The following MID1 variants were observed in gnomAD, a reference collection of about 807,000 sequenced individuals.
MID1 encodes the protein E3 ubiquitin-protein ligase Midline-1.
In MID1, 7 loss-of-function variants were observed where a neutral mutation model predicts 40.4. The ratio of observed to expected loss-of-function variants is 0.17; its 90% CI spans 0.10 to 0.33. The LOEUF (loss-of-function observed/expected upper bound fraction) is 0.33, where lower values mean the gene tolerates loss of function less well. Among genes scored for constraint, MID1 ranks in the 10% least tolerant of loss-of-function variants. The probability of loss-of-function intolerance (pLI) is 1.00; values close to 1 mark genes in which losing one functional copy is unlikely to be tolerated. For missense variants in MID1, 367 were observed against 558.5 expected (o/e 0.66, Z 3.46); for synonymous variants, 229 against 221.2 (o/e 1.04, Z -0.31).
chrX:10,741,396 C>T (rs1164121088), intron 1 of MID1, among the ~76,000 whole-genome samples: 3 of 109,956 alleles, frequency 2.7e-5, no homozygotes, highest in African/African-American at 6.6e-5. Flanking sequence ...CTTGGGCTCT[C>T]GGCTGAACCC....
intron 1 of MID1, among the ~76,000 whole-genome samples, chrX:10,599,443 C>T (rs1363554657): frequency 8.9e-6 from 1 of 112,234 alleles, no homozygotes; most frequent in Admixed American, 9.4e-5. Flanking sequence ...GAATACTCTT[C>T]CATGTGTTAA....
chrX:10,817,546 T>TTC (rs1315671230), intron 1 of MID1, among the ~76,000 whole-genome samples: 3 of 103,034 alleles, frequency 2.9e-5, no homozygotes, highest in Non-Finnish European at 5.9e-5. Context: ...CTTTCTTTCT[T>TTC]TCTTTCTTTC....
At chrX:10,484,096 A>T (rs192007756) in intron 4 of MID1, among the ~76,000 whole-genome samples, 19 of 111,752 alleles carry the variant, frequency 1.7e-4, no homozygotes, top group African/African-American at 5.6e-4. Flanking sequence ...AGCCTCTGGC[A>T]TCATTCTATC....
intron 2 of MID1, among the ~76,000 whole-genome samples, chrX:10,549,204 T>C (rs1304841105): frequency 8.8e-6 from 1 of 113,009 alleles, no homozygotes; most frequent in East Asian, 2.8e-4. Context: ...TTCTGCGCTC[T>C]AGACTATGAG....
At chrX:10,508,177 C>G (rs753462667) in intron 3 of MID1, among the ~76,000 whole-genome samples, 8 of 112,137 alleles carry the variant, frequency 7.1e-5, no homozygotes, top group Non-Finnish European at 1.5e-4. Context: ...AGAGAACAAG[C>G]AGCGAACATG....
intron 2 of MID1, among the ~76,000 whole-genome samples, chrX:10,555,023 C>T (rs1052650543): frequency 3.6e-5 from 4 of 112,034 alleles, no homozygotes; most frequent in Non-Finnish European, 5.6e-5. Context: ...CGCAAGTTTG[C>T]TCCCATAATA....
intron 1 of MID1, among the ~76,000 whole-genome samples, chrX:10,816,051 T>C (rs1300415105): frequency 1.2e-4 from 13 of 112,225 alleles, no homozygotes; most frequent in Non-Finnish European, 2.4e-4. Flanking sequence ...AATGAATTTC[T>C]GTGACTGAGG....
intron 1 of MID1, among the ~76,000 whole-genome samples, chrX:10,709,476 G>C (rs1286676731): frequency 8.9e-6 from 1 of 112,090 alleles, no homozygotes; most frequent in Non-Finnish European, 1.9e-5. Context: ...AGGCGGGTTA[G>C]GCGAGTTTTG....
chrX:10,594,217 T>C (rs1027093834), intron 1 of MID1, among the ~76,000 whole-genome samples: 5 of 111,857 alleles, frequency 4.5e-5, no homozygotes, highest in African/African-American at 1.6e-4. Context: ...ATTTTGAGGA[T>C]GCATGTATTG....
intron 2 of MID1, among the ~76,000 whole-genome samples, chrX:10,557,323 T>C (rs1934161252): frequency 8.9e-6 from 1 of 112,229 alleles, no homozygotes. Flanking sequence ...GCTGGTTTAT[T>C]GCCAGGCCAA....
chrX:10,632,953 T>G (rs1046541669), intron 1 of MID1, among the ~76,000 whole-genome samples: 1 of 111,909 alleles, frequency 8.9e-6, no homozygotes, highest in African/African-American at 3.2e-5. Context: ...TGGGACCTCA[T>G]GTAACTGCAC....
intron 1 of MID1, among the ~76,000 whole-genome samples, chrX:10,805,194 A>G (rs1217497375): frequency 9.2e-6 from 1 of 108,273 alleles, no homozygotes; most frequent in African/African-American, 3.4e-5. Flanking sequence ...AGCATTAGGT[A>G]TATCTCCTAA....
At chrX:10,777,335 C>T (rs1422499440) in intron 1 of MID1, among the ~76,000 whole-genome samples, 3 of 100,894 alleles carry the variant, frequency 3.0e-5, no homozygotes, top group African/African-American at 7.3e-5. Flanking sequence ...GTAGCTGGGA[C>T]TACAGGCGCC....
intron 4 of MID1, among the ~76,000 whole-genome samples, chrX:10,484,540 C>T (rs1327904842): frequency 1.8e-5 from 2 of 111,863 alleles, no homozygotes; most frequent in African/African-American, 6.5e-5. Flanking sequence ...ATGAGAGTCG[C>T]CTGTGAAAAT....
At chrX:10,614,364 A>G (rs1935804865) in intron 1 of MID1, among the ~76,000 whole-genome samples, 1 of 111,976 alleles carries the variant, frequency 8.9e-6, no homozygotes, top group South Asian at 3.7e-4. Flanking sequence ...GCTGAGAAAG[A>G]ACAAATGAAG....
rs145437875 is a variant in MID1, at chrX:10,637,998, G to A, written c.-186-17579C>T. Among the ~76,000 whole-genome samples, 623 of 111,999 alleles carry A rather than the reference G, an allele frequency of 5.6e-3. 3 individuals are homozygous for A. Among genetic ancestry groups the A allele is most frequent in the African/African-American group, 0.019 (597 of 30,836 alleles). On this transcript the variant is annotated intron_variant, in intron 1 of 10. Coordinates refer to the MID1 transcript ENST00000380785. ...TAAAAAAAGTACAGAGAGTAATGTC[G>A]GCAAATACACTCGGGAAGTGGGAAA...
At chrX:10,711,459 G>A (rs2043267062) in intron 1 of MID1, among the ~76,000 whole-genome samples, 1 of 111,855 alleles carries the variant, frequency 8.9e-6, no homozygotes, top group Non-Finnish European at 1.9e-5. Context: ...AACACATTGA[G>A]GTGTATATGA....
intron 7 of MID1, among the ~76,000 whole-genome samples, chrX:10,463,417 T>TATC (rs1255314780): frequency 8.9e-6 from 1 of 111,994 alleles, no homozygotes; most frequent in Non-Finnish European, 1.9e-5. Flanking sequence ...TTGAGCATTA[T>TATC]ATCTTCTCAT....
upstream of MID1, among the ~76,000 whole-genome samples, chrX:10,621,157 G>A (rs1000404358): frequency 1.8e-5 from 2 of 111,448 alleles, no homozygotes; most frequent in African/African-American, 3.3e-5. Context: ...CTGAAGGCCC[G>A]AGGCATAATT....
Sources: allele counts gnomAD v4.1 joint callset (sites outside exome capture counted in the v4.1 genomes callset), GRCh38; gene constraint gnomAD v4.1.1; transcripts MANE v1.5; gene names NCBI Gene and HGNC (gene_info 2026-07-23, HGNC 2026-07-21).